BRD7: variants seen among roughly 807,000 people sequenced by gnomAD.
BRD7 encodes the protein bromodomain containing 7.
In BRD7, 15 loss-of-function variants were observed where a neutral mutation model predicts 82.1. The observed-to-expected ratio is 0.18, with a 90% confidence interval of 0.12 to 0.28. The LOEUF (loss-of-function observed/expected upper bound fraction) is 0.28, where lower values mean the gene tolerates loss of function less well. Ranked by LOEUF, BRD7 falls within the 10% of genes least tolerant of loss-of-function variation. The pLI is 1.00. For missense variants in BRD7, 638 were observed against 779.9 expected, an observed-to-expected ratio of 0.82 and a Z score of 2.17; for synonymous variants, 232 against 266.9, an observed-to-expected ratio of 0.87 and a Z score of 1.27.
chr16:50,322,448 CAG>C (rs1401049642), intron 12 of BRD7, among the ~76,000 whole-genome samples: 1 of 152,202 alleles, frequency 6.6e-6, no homozygotes, highest in Non-Finnish European at 1.5e-5. Context: ...TCAAATGCTA[CAG>C]AGAATGTGAA....
chr16:50,327,923 T>C (rs1178296670), intron 9 of BRD7, among the ~76,000 whole-genome samples: 1 of 152,214 alleles, frequency 6.6e-6, no homozygotes, highest in African/African-American at 2.4e-5. Flanking sequence ...ACAATAAACA[T>C]CAGAGACTGT....
intron 13 of BRD7, 46 bp downstream of exon 13, chr16:50,321,936 T>G: frequency 6.4e-7 from 1 of 1,551,320 alleles, no homozygotes; most frequent in South Asian, 1.1e-5. Flanking sequence ...CTTACTCCCC[T>G]TATTTTCCAT....
In BRD7 at chr16:50,332,446, C is replaced by A. The variant is rs559809227; in HGVS notation, c.1011+1128G>T. On this transcript the variant is annotated intron_variant, in intron 8 of 16. Coordinates refer to ENST00000394688, the MANE Select transcript of BRD7 (RefSeq NM_013263.5). ...ATCATTGGAGAAATGCAAATCAAAACCACAATAAGATACCATATTATATCA... is the reference window on the plus strand; with the variant it reads ...ATCATTGGAGAAATGCAAATCAAAAACACAATAAGATACCATATTATATCA... Among the ~76,000 whole-genome samples, 3 of 152,170 alleles carry A rather than the reference C, an allele frequency of 2.0e-5. No homozygotes were observed. The East Asian group carries it at 5.8e-4, about 29-fold the overall frequency.
Position 50,368,715 on chromosome 16 carries a change from C to A in BRD7, c.49+11G>T. 1.3e-6 allele frequency: 2 copies of A among 1,555,556 alleles called. No homozygotes were observed. The highest frequency in any genetic ancestry group is 1.7e-6 in the Non-Finnish European group (2 of 1,152,740). ...GAGGGCCCGCCGCCCGCACCCCGGC[C>A]CCCTCCTCACCCTCGTAGAGGTGTT... On this transcript the variant is annotated intron_variant, in intron 1 of 16. Coordinates refer to ENST00000394688, the MANE Select transcript of BRD7 (RefSeq NM_013263.5).
chr16:50,345,602 A>T (rs1371134152), intron 5 of BRD7, among the ~76,000 whole-genome samples: 1 of 152,158 alleles, frequency 6.6e-6, no homozygotes, highest in Non-Finnish European at 1.5e-5. Flanking sequence ...AAACAGAAAA[A>T]GGCAGGGGTT....
chr16:50,337,219 T>C (rs977224453), intron 6 of BRD7, among the ~76,000 whole-genome samples: 1 of 152,144 alleles, frequency 6.6e-6, no homozygotes, highest in East Asian at 1.9e-4. Context: ...AGTATTTATT[T>C]AGGAGATAAA....
intron 14 of BRD7, 85 bp from the exon 15 acceptor site, chr16:50,320,476 G>T (rs1056455977): frequency 6.5e-7 from 1 of 1,531,946 alleles, no homozygotes; most frequent in Non-Finnish European, 8.9e-7. Context: ...CTAATTATTG[G>T]TTAGCCTTCT....
intron 2 of BRD7, among the ~76,000 whole-genome samples, chr16:50,367,472 C>A (rs976966892): frequency 6.6e-6 from 1 of 152,218 alleles, no homozygotes; most frequent in African/African-American, 2.4e-5. Flanking sequence ...AATCCTCCCA[C>A]CTCGGCATTC....
intron 9 of BRD7, among the ~76,000 whole-genome samples, chr16:50,327,366 A>G (rs1247345742): frequency 2.0e-5 from 3 of 152,214 alleles, no homozygotes; most frequent in African/African-American, 7.2e-5. Context: ...GGTGTCACCT[A>G]CATCAGTTAG....
At position 50,325,928 on chromosome 16, in the gene BRD7, T is replaced by C. The variant is rs1160716020; in HGVS notation, c.1196-45A>G. 1.2e-5 allele frequency: 18 copies of C among 1,522,924 alleles called. No homozygotes were observed. In the South Asian group the frequency reaches 1.3e-4, roughly 11 times the overall value. 94.3% of individuals were successfully genotyped at this position (1,522,924 alleles called of 1,614,324 possible). On this transcript the variant is annotated intron_variant, in intron 10 of 16. Transcript: ENST00000394688. ...CTGTAACACTATTCTTTAACTTGCA[T>C]GTCAATCTATTTTGTTTTACCAAAA...
chr16:50,350,400 T>C (rs149987267), intron 4 of BRD7, among the ~76,000 whole-genome samples: 13 of 152,310 alleles, frequency 8.5e-5, no homozygotes, highest in African/African-American at 2.9e-4. Context: ...TCTTTTAAAA[T>C]ACACAGCCTC....
At chr16:50,355,073 G>A in intron 2 of BRD7, 151 bp from the exon 3 acceptor site, 2 of 975,378 alleles carry the variant, frequency 2.1e-6, no homozygotes, top group Non-Finnish European at 2.9e-6. Flanking sequence ...ACTGGAAAAG[G>A]AGAGAATAAT....
intron 2 of BRD7, among the ~76,000 whole-genome samples, chr16:50,360,495 C>T (rs1477794922): frequency 6.6e-6 from 1 of 152,210 alleles, no homozygotes; most frequent in Non-Finnish European, 1.5e-5. Context: ...ACAGCATTTG[C>T]TACACACGTT....
intron 5 of BRD7, among the ~76,000 whole-genome samples, chr16:50,347,416 C>T (rs1452553363): frequency 1.3e-5 from 2 of 152,116 alleles, no homozygotes; most frequent in East Asian, 3.9e-4. Flanking sequence ...CCAGGGCAAT[C>T]AGGCAGGAGA....
Position 50,323,643 on chromosome 16 carries a change from A to C in BRD7, c.1387T>G (p.Leu463Val), listed in dbSNP as rs2037213285. ...CCTCCTTTTGTTAAAACATCCAGTA[A>C]ACTATCTGCCATGACATACGGATAA... Reference protein sequence around the residue: ...QDYPYVMADSLLDVLTKGGHS... With the variant: ...QDYPYVMADSVLDVLTKGGHS... The change falls in exon 12 of 17, where the codon TTA becomes GTA. Residue 463 changes from leucine (L) to valine (V), a missense_variant. This residue lies in a region of BRD7 where 402 missense variants were observed against 500.8 expected (regional missense o/e 0.80). Coordinates refer to ENST00000394688, the MANE Select transcript of BRD7 (RefSeq NM_013263.5). 6.2e-7 allele frequency: 1 copy of C among 1,613,758 alleles called. No individual in the cohort carries two copies. Among genetic ancestry groups the C allele is most frequent in the African/African-American group, 1.3e-5 (1 of 74,886 alleles).
chr16:50,325,041 C>T (rs1239954536), intron 11 of BRD7, among the ~76,000 whole-genome samples: 1 of 152,172 alleles, frequency 6.6e-6, no homozygotes, highest in Non-Finnish European at 1.5e-5. Context: ...GGTGAATCTA[C>T]AGGGTTAATT....
chr16:50,355,796 A>G (rs1276628367), intron 2 of BRD7, among the ~76,000 whole-genome samples: 4 of 152,226 alleles, frequency 2.6e-5, no homozygotes, highest in Admixed American at 2.0e-4. Flanking sequence ...AAGATATAAA[A>G]TGAATAAATT....
At chr16:50,338,298 A>G (rs2151165241) in intron 6 of BRD7, among the ~76,000 whole-genome samples, 1 of 152,330 alleles carries the variant, frequency 6.6e-6, no homozygotes, top group South Asian at 2.1e-4. Flanking sequence ...TTAGTTTCCC[A>G]AGTCTTTAGG....
chr16:50,329,593 C>G (rs895423204), intron 8 of BRD7, among the ~76,000 whole-genome samples: 3 of 152,112 alleles, frequency 2.0e-5, no homozygotes, highest in Non-Finnish European at 4.4e-5. Flanking sequence ...GTTTTAGATG[C>G]CTGTGCGTGA....
Sources: gnomAD v4.1 joint callset for allele counts (sites outside exome capture counted in the v4.1 genomes callset) on GRCh38, gnomAD v4.1.1 for gene constraint, gnomAD v4.1.1 regional missense constraint, MANE v1.5 for transcripts, NCBI Gene and HGNC (gene_info 2026-07-23, HGNC 2026-07-21) for gene names.